CCSER1: variants seen among roughly 807,000 people sequenced by gnomAD.
CCSER1 encodes serine-rich coiled-coil domain-containing protein 1.
A neutral mutation model predicts 82.0 loss-of-function variants in CCSER1; 41 were observed. The observed-to-expected ratio is 0.50, with a 90% confidence interval of 0.39 to 0.65. The LOEUF is 0.65. Ranked by LOEUF, CCSER1 falls within the 30% of genes least tolerant of loss-of-function variation. CCSER1 has a pLI of 0.00. For missense variants in CCSER1, 1,119 were observed against 1,064.2 expected (o/e 1.05, Z -0.72); for synonymous variants, 414 against 383.9 (o/e 1.08, Z -0.92).
At chr4:91,494,367 A>G (rs1355450370) in intron 10 of CCSER1, among the ~76,000 whole-genome samples, 2 of 151,818 alleles carry the variant, frequency 1.3e-5, no homozygotes, top group Non-Finnish European at 2.9e-5. Flanking sequence ...CTGCTCGTTA[A>G]GTTCAAATAC....
chr4:91,373,660 AC>A (rs1159758696), intron 10 of CCSER1, among the ~76,000 whole-genome samples: 3 of 152,090 alleles, frequency 2.0e-5, no homozygotes, highest in Admixed American at 2.0e-4. Context: ...TCAGTTAATG[AC>A]CCTACAATGG....
At chr4:90,317,041 G>T (rs111557858) in intron 3 of CCSER1, among the ~76,000 whole-genome samples, 7,404 of 152,102 alleles carry the variant, frequency 0.049, 256 homozygotes, top group Middle Eastern at 0.095. Flanking sequence ...TTAAAATGCT[G>T]TTCTAGAAAA....
intron 10 of CCSER1, among the ~76,000 whole-genome samples, chr4:91,161,389 C>CT (rs1433240280): frequency 6.6e-6 from 1 of 152,036 alleles, no homozygotes; most frequent in African/African-American, 2.4e-5. Context: ...AATGTGGGCT[C>CT]TTTTTTGGTT....
At chr4:91,085,742 G>A (rs947153406) in intron 9 of CCSER1, among the ~76,000 whole-genome samples, 2 of 151,668 alleles carry the variant, frequency 1.3e-5, no homozygotes, top group African/African-American at 2.4e-5. Context: ...GTAGGGGTCG[G>A]CAGGAAATGC....
intron 1 of CCSER1, among the ~76,000 whole-genome samples, chr4:90,180,899 T>G (rs1475928300): frequency 2.6e-5 from 4 of 152,198 alleles, no homozygotes; most frequent in Non-Finnish European, 5.9e-5. Flanking sequence ...TACTAGACTA[T>G]ACGAGTTTGA....
At chr4:90,682,274 G>GA (rs928719534) in intron 6 of CCSER1, among the ~76,000 whole-genome samples, 23 of 147,720 alleles carry the variant, frequency 1.6e-4, no homozygotes, top group South Asian at 6.4e-4. Flanking sequence ...TAAAAAAAAA[G>GA]AAAAAAAAAG....
At chr4:91,303,902 G>A (rs1744856333) in intron 10 of CCSER1, among the ~76,000 whole-genome samples, 1 of 151,954 alleles carries the variant, frequency 6.6e-6, no homozygotes, top group Non-Finnish European at 1.5e-5. Context: ...GGGAAACTGT[G>A]GAGCAGGGTG....
intron 10 of CCSER1, among the ~76,000 whole-genome samples, chr4:91,148,470 CTTAT>C (rs200947996): frequency 1.4e-4 from 21 of 151,516 alleles, no homozygotes; most frequent in African/African-American, 3.1e-4. Context: ...ACCAGACATT[CTTAT>C]TTATTTATTT....
At chr4:91,551,434 C>A (rs918919192) in intron 10 of CCSER1, among the ~76,000 whole-genome samples, 2 of 152,038 alleles carry the variant, frequency 1.3e-5, no homozygotes, top group Admixed American at 6.6e-5. Context: ...TGCAAAACCT[C>A]ATTGAAGAGC....
chr4:90,252,081 G>A (rs972974442), intron 1 of CCSER1, among the ~76,000 whole-genome samples: 3 of 151,842 alleles, frequency 2.0e-5, no homozygotes, highest in South Asian at 2.1e-4. Context: ...AATACAGGTT[G>A]AGTATCCCGT....
chr4:90,792,745 G>T (rs1755438722), intron 7 of CCSER1, among the ~76,000 whole-genome samples: 1 of 152,246 alleles, frequency 6.6e-6, no homozygotes. Flanking sequence ...GGAGCTGAGG[G>T]TGGCAGCTTG....
chr4:90,604,233 CTA>C (rs1784356254), intron 5 of CCSER1, among the ~76,000 whole-genome samples: 1 of 151,966 alleles, frequency 6.6e-6, no homozygotes, highest in Non-Finnish European at 1.5e-5. Context: ...TATTTTTTTT[CTA>C]TATCTCACAG....
rs189757146 is a variant in CCSER1, at chr4:91,416,943, G to A, written c.2218-181629G>A. On this transcript the variant is annotated intron_variant, in intron 10 of 10. Transcript: ENST00000509176. ...ACCTACAAAATGGGAGAAAATTTTT[G>A]CAATCTGTCCATCTGACAAAGGTCT... Among the ~76,000 whole-genome samples the A allele has an allele frequency of 3.0e-4, 46 of 152,190 alleles. 1 individual carries two copies. In the East Asian group the frequency reaches 4.4e-3, roughly 15 times the overall value.
intron 10 of CCSER1, among the ~76,000 whole-genome samples, chr4:91,158,870 T>C (rs1731091903): frequency 6.6e-6 from 1 of 151,966 alleles, no homozygotes; most frequent in South Asian, 2.1e-4. Flanking sequence ...AATTAGGACA[T>C]AGGCATTACC....
intron 10 of CCSER1, among the ~76,000 whole-genome samples, chr4:91,563,554 A>C (rs960554837): frequency 9.9e-5 from 15 of 151,724 alleles, no homozygotes; most frequent in African/African-American, 3.1e-4. Flanking sequence ...TCTACAACAC[A>C]ATAAAGGCTA....
intron 10 of CCSER1, among the ~76,000 whole-genome samples, chr4:91,521,365 C>T (rs953510099): frequency 1.3e-5 from 2 of 152,190 alleles, no homozygotes; most frequent in Admixed American, 1.3e-4. Context: ...TTTATAGTAG[C>T]ATGATTTATA....
At chr4:91,345,288 G>C (rs1038376036) in intron 10 of CCSER1, among the ~76,000 whole-genome samples, 2 of 152,100 alleles carry the variant, frequency 1.3e-5, no homozygotes, top group Non-Finnish European at 2.9e-5. Flanking sequence ...TCAGGAGGCT[G>C]AGGCAGGAGA....
In CCSER1 at chr4:91,100,628, A is replaced by T. The variant is rs73834783; in HGVS notation, c.2217+14634A>T. 2.6e-3 allele frequency among the ~76,000 whole-genome samples: 390 copies of T among 152,338 alleles called. 2 individuals are homozygous for T. Among genetic ancestry groups the T allele is most frequent in the African/African-American group, 9.1e-3 (378 of 41,572 alleles). On this transcript the variant is annotated intron_variant, in intron 10 of 10. Transcript: ENST00000509176. ...ATTTAACCTCAAATATTCTATTTCC[A>T]CATGTTATATTACAGATGAGAGAAA...
In CCSER1 at chr4:91,275,224, G is replaced by C. The variant is rs191886586; in HGVS notation, c.2217+189230G>C. ...AGAAATATTCATACTGTTTTCCATA[G>C]TGCATGTATTAATTTACATTTCCAC... is the stretch of plus-strand genomic sequence containing the variant. On this transcript the variant is annotated intron_variant, in intron 10 of 10. Transcript: ENST00000509176. Among the ~76,000 whole-genome samples, 32 of 152,108 alleles carry C rather than the reference G, an allele frequency of 2.1e-4. No individual in the cohort carries two copies. The East Asian group carries it at 6.0e-3, about 28-fold the overall frequency.
Sources: allele counts gnomAD v4.1 joint callset (sites outside exome capture counted in the v4.1 genomes callset), GRCh38; gene constraint gnomAD v4.1.1; transcripts MANE v1.5; gene names NCBI Gene and HGNC (gene_info 2026-07-23, HGNC 2026-07-21).